The following CAMKMT variants were observed in gnomAD, a reference collection of about 807,000 sequenced individuals.
The protein encoded by CAMKMT is CaM KMT.
A neutral mutation model predicts 48.0 loss-of-function variants in CAMKMT; 53 were observed. That is an observed-to-expected ratio of 1.10 (90% CI 0.89 to 1.39). The LOEUF (loss-of-function observed/expected upper bound fraction) is 1.39, where lower values mean the gene tolerates loss of function less well. CAMKMT is among the 40% of genes most tolerant of loss of function. The probability of loss-of-function intolerance (pLI) is 0.00; values close to 1 mark genes in which losing one functional copy is unlikely to be tolerated. For synonymous variants in CAMKMT, 165 were observed against 152.3 expected (o/e 1.08, Z -0.61); for missense variants, 428 against 402.7 (o/e 1.06, Z -0.54).
chr2:44,376,473 A>G (rs1679708724), intron 2 of CAMKMT, among the ~76,000 whole-genome samples: 1 of 151,848 alleles, frequency 6.6e-6, no homozygotes, highest in Non-Finnish European at 1.5e-5. Flanking sequence ...CTCACAAATC[A>G]TAATTGTAAA....
intron 1 of CAMKMT, among the ~76,000 whole-genome samples, chr2:44,370,586 C>A (rs1213625932): frequency 6.6e-6 from 1 of 152,010 alleles, no homozygotes; most frequent in East Asian, 1.9e-4. Flanking sequence ...TCAATCTTTT[C>A]AAAGAAACAA....
intron 7 of CAMKMT, among the ~76,000 whole-genome samples, chr2:44,742,322 A>C (rs898368882): frequency 1.3e-5 from 2 of 152,356 alleles, no homozygotes; most frequent in East Asian, 3.9e-4. Context: ...GTACAGCAAC[A>C]CTAAAGTTAA....
chr2:44,588,717 T>C (rs1299057164), intron 3 of CAMKMT, among the ~76,000 whole-genome samples: 6 of 32,320 alleles, frequency 1.9e-4, no homozygotes, highest in Admixed American at 3.3e-4. Context: ...GCCCCCCGCC[T>C]GGCCAGCCGC....
Position 44,362,072 on chromosome 2 carries a change from C to T in CAMKMT, c.65C>T (p.Ala22Val). The T allele has an allele frequency of 6.9e-7, 1 of 1,445,360 alleles. No homozygotes were observed. The highest frequency in any genetic ancestry group is 9.0e-7 in the Non-Finnish European group (1 of 1,107,726). The allele number at this position is 1,445,360 out of a possible 1,614,324, so 89.5% of individuals were successfully genotyped here. Reference protein sequence around the residue: ...ETARAAGGSPAVGCTTRGPVV... With the variant: ...ETARAAGGSPVVGCTTRGPVV... ...GCGCGAGCAGCGGGCGGGAGTCCGG[C>T]AGTTGGCTGCACCACTCGGGGGCCC... Residue 22 changes from alanine (A) to valine (V), a missense_variant, in exon 1 of 11, where the codon GCA (alanine) becomes GTA (valine). Physicochemically the swap from Ala to Val is moderately conservative, Grantham distance 64. Coordinates refer to ENST00000378494, the MANE Select transcript of CAMKMT (RefSeq NM_024766.5).
chr2:44,598,916 T>C (rs1298499651), intron 3 of CAMKMT, among the ~76,000 whole-genome samples: 2 of 151,740 alleles, frequency 1.3e-5, no homozygotes, highest in Non-Finnish European at 2.9e-5. Context: ...CATGATTAGA[T>C]TGAGTAATCA....
At chr2:44,383,056 G>A (rs554018019) in intron 2 of CAMKMT, among the ~76,000 whole-genome samples, 6 of 152,022 alleles carry the variant, frequency 3.9e-5, no homozygotes, top group Admixed American at 1.3e-4. Context: ...GCAGATGGCC[G>A]CCCTCACACT....
chr2:44,647,997 A>C (rs1032148728), intron 3 of CAMKMT, among the ~76,000 whole-genome samples: 3 of 151,998 alleles, frequency 2.0e-5, no homozygotes, highest in African/African-American at 4.8e-5. Context: ...GTATTAGGAA[A>C]AAGTGGAGAT....
chr2:44,439,155 C>A (rs775414576), intron 3 of CAMKMT, among the ~76,000 whole-genome samples: 3 of 152,126 alleles, frequency 2.0e-5, no homozygotes, highest in Non-Finnish European at 4.4e-5. Flanking sequence ...TTTTTTCTCA[C>A]TGTCTTTTGG....
chr2:44,633,211 A>C (rs1044103040), intron 3 of CAMKMT, among the ~76,000 whole-genome samples: 1 of 152,046 alleles, frequency 6.6e-6, no homozygotes, highest in Non-Finnish European at 1.5e-5. Context: ...TAAAAAAGAG[A>C]ACTTTATCAC....
chr2:44,447,608 C>T (rs1220980379), intron 3 of CAMKMT, among the ~76,000 whole-genome samples: 1 of 152,194 alleles, frequency 6.6e-6, no homozygotes. Flanking sequence ...AACCTGGGAT[C>T]AGTAAGCAAC....
At chr2:44,478,649 C>T (rs558609292) in intron 3 of CAMKMT, among the ~76,000 whole-genome samples, 3 of 150,746 alleles carry the variant, frequency 2.0e-5, no homozygotes, top group African/African-American at 7.3e-5. Flanking sequence ...GGGAAGGTGT[C>T]ATTTTCTGGT....
At chr2:44,469,654 A>T (rs1446146421) in intron 3 of CAMKMT, among the ~76,000 whole-genome samples, 2 of 152,108 alleles carry the variant, frequency 1.3e-5, no homozygotes, top group Non-Finnish European at 1.5e-5. Context: ...AAATGCACCT[A>T]TCACAAAATT....
chr2:44,538,432 A>G (rs992413675), intron 3 of CAMKMT, among the ~76,000 whole-genome samples: 1 of 152,100 alleles, frequency 6.6e-6, no homozygotes, highest in Non-Finnish European at 1.5e-5. Context: ...ACCATGGCAT[A>G]CTACTCAGCC....
chr2:44,398,604 C>G (rs1325635692), intron 3 of CAMKMT, among the ~76,000 whole-genome samples: 1 of 141,614 alleles, frequency 7.1e-6, no homozygotes, highest in South Asian at 2.2e-4. Context: ...ATTTTTGTAA[C>G]GATAATACAA....
chr2:44,462,303 C>T (rs1379408193), intron 3 of CAMKMT, among the ~76,000 whole-genome samples: 2 of 152,088 alleles, frequency 1.3e-5, no homozygotes, highest in African/African-American at 4.8e-5. Flanking sequence ...TCTCAGTTAA[C>T]ATTTTGGTAA....
intron 8 of CAMKMT, among the ~76,000 whole-genome samples, chr2:44,744,973 C>T (rs1294741830): frequency 6.6e-6 from 1 of 152,130 alleles, no homozygotes; most frequent in Non-Finnish European, 1.5e-5. Flanking sequence ...CTGCAGCCCT[C>T]ATCTAATCAA....
At chr2:44,489,983 A>T (rs57301958) in intron 3 of CAMKMT, among the ~76,000 whole-genome samples, 1 of 151,950 alleles carries the variant, frequency 6.6e-6, no homozygotes, top group Admixed American at 6.6e-5. Context: ...TAATGTATAT[A>T]TTAGATTAAT....
intron 7 of CAMKMT, among the ~76,000 whole-genome samples, chr2:44,724,680 T>C (rs1300270766): frequency 1.3e-5 from 2 of 152,186 alleles, no homozygotes; most frequent in Admixed American, 6.5e-5. Context: ...ACTCCCCACA[T>C]TGGACTCTGA....
intron 3 of CAMKMT, among the ~76,000 whole-genome samples, chr2:44,511,480 G>C (rs1670550018): frequency 6.6e-6 from 1 of 151,792 alleles, no homozygotes; most frequent in Admixed American, 6.6e-5. Context: ...GTAGAGACAG[G>C]GTATCACCAT....
Sources: gnomAD v4.1 joint callset for allele counts (sites outside exome capture counted in the v4.1 genomes callset) on GRCh38, gnomAD v4.1.1 for gene constraint, MANE v1.5 for transcripts, NCBI Gene and HGNC (gene_info 2026-07-23, HGNC 2026-07-21) for gene names.